The following VSTM2A variants were observed in gnomAD, a reference collection of about 807,000 sequenced individuals.
The protein encoded by VSTM2A is V-set and transmembrane domain-containing protein 2A.
In VSTM2A, 13 loss-of-function variants were observed where a neutral mutation model predicts 27.3. The ratio of observed to expected loss-of-function variants is 0.48; its 90% CI spans 0.31 to 0.76. The LOEUF is 0.76. VSTM2A is among the 30% of genes least tolerant of loss of function. The pLI, the probability that VSTM2A is intolerant of heterozygous loss-of-function variation, is 0.05. For synonymous variants in VSTM2A, 142 were observed against 125.7 expected (o/e 1.13, Z -0.87); for missense variants, 280 against 310.0 (o/e 0.90, Z 0.73).
Position 54,553,917 on chromosome 7 carries a change from G to C in VSTM2A, c.634+3747G>C, listed in dbSNP as rs930676980. 1.1e-5 allele frequency: 17 copies of C among 1,551,134 alleles called. No homozygotes were observed. The East Asian group carries it at 2.7e-4, about 25-fold the overall frequency. The stretch of plus-strand genomic sequence containing the variant: ...ACATCTCCACAGACCACCTCTACTA[G>C]TCCTTCCTTTCTTCTCTCTGTCTTC... On this transcript the variant is annotated intron_variant, in intron 4 of 4. Transcript: ENST00000402613.
rs757916739 is a variant in VSTM2A at position 54,547,020 on chromosome 7, G to A, written c.297+23G>A. The A allele has an allele frequency of 1.1e-5, 17 of 1,570,546 alleles. No homozygotes were observed. In the South Asian group the frequency reaches 1.7e-4, roughly 16 times the overall value. On this transcript the variant is annotated intron_variant, in intron 3 of 4. Coordinates refer to ENST00000402613, the MANE Select transcript of VSTM2A (RefSeq NM_001301009.2). ...AGCGTGAGTGCGGGGCGCGCCAAGG[G>A]CCGCGGGCCCAGGCTCGGGACGCAC...
chr7:54,553,816 T>A, intron 4 of VSTM2A: 1 of 1,547,900 alleles, frequency 6.5e-7, no homozygotes, highest in Middle Eastern at 1.7e-4. Context: ...TGCCCCCAAA[T>A]ACCCCAATAT....
chr7:54,550,782 T>C (rs1301212810), intron 4 of VSTM2A: 1 of 153,628 alleles, frequency 6.5e-6, no homozygotes, highest in African/African-American at 2.4e-5. Flanking sequence ...CACAGGATTC[T>C]GAAGGCAGCT....
At chr7:54,553,981 C>T in intron 4 of VSTM2A, 5 of 1,552,714 alleles carry the variant, frequency 3.2e-6, no homozygotes, top group African/African-American at 1.4e-5. Context: ...TTCCCAACGT[C>T]ACACAGAACT....
intron 4 of VSTM2A, chr7:54,554,173 T>C: frequency 6.7e-7 from 1 of 1,497,552 alleles, no homozygotes; most frequent in Non-Finnish European, 8.9e-7. Context: ...TCCTTCCCAG[T>C]CTCTAGGCAG....
chr7:54,549,390 A>T (rs1282329040), intron 3 of VSTM2A, among the ~76,000 whole-genome samples: 1 of 152,220 alleles, frequency 6.6e-6, no homozygotes, highest in Non-Finnish European at 1.5e-5. Context: ...CAAACTCATG[A>T]CCAACAAAAT....
chr7:54,546,109 GGAAAGGAA>G (rs1234034522), intron 2 of VSTM2A: 1 of 144,100 alleles, frequency 6.9e-6, no homozygotes, highest in Non-Finnish European at 1.5e-5. Context: ...GGAGAGGGAG[GGAAAGGAA>G]GAGAGGGAGA....
Position 54,564,504 on chromosome 7 carries a change from C to T in VSTM2A, c.635-4627C>T, listed in dbSNP as rs111471087. Among the ~76,000 whole-genome samples, 560 of 152,214 alleles carry T rather than the reference C, an allele frequency of 3.7e-3. 2 individuals carry two copies. Among genetic ancestry groups the T allele is most frequent in the African/African-American group, 0.012 (513 of 41,528 alleles). ...TAATCCATCAGAAAATATTCAAAGC[C>T]AAGAGAAAGTGGATATTTGGAGAAC... On this transcript the variant is annotated intron_variant, in intron 4 of 4. Transcript: ENST00000402613.
At chr7:54,547,361 A>C (rs1377898707) in intron 3 of VSTM2A, among the ~76,000 whole-genome samples, 1 of 152,244 alleles carries the variant, frequency 6.6e-6, no homozygotes, top group Non-Finnish European at 1.5e-5. Flanking sequence ...ACATAGGAAA[A>C]TATTTTTAGG....
At chr7:54,563,188 A>G (rs968728619) in intron 4 of VSTM2A, among the ~76,000 whole-genome samples, 3 of 152,172 alleles carry the variant, frequency 2.0e-5, no homozygotes, top group African/African-American at 7.2e-5. Context: ...AAGTTTTCAG[A>G]TATGAGGAAT....
intron 4 of VSTM2A, among the ~76,000 whole-genome samples, chr7:54,564,620 C>G (rs924939458): frequency 5.9e-5 from 9 of 152,202 alleles, no homozygotes; most frequent in African/African-American, 2.2e-4. Context: ...GGGATCTTTC[C>G]TAGAGCCCAG....
At chr7:54,555,847 A>G (rs1788337690) in intron 4 of VSTM2A, among the ~76,000 whole-genome samples, 1 of 152,128 alleles carries the variant, frequency 6.6e-6, no homozygotes, top group Non-Finnish European at 1.5e-5. Context: ...AAGACTCCCA[A>G]ACAGTGTTTC....
rs1788851858 is a variant in VSTM2A, at chr7:54,570,293, T to G, written c.*1074T>G. 6.6e-6 allele frequency: 1 copy of G among 152,194 alleles called. No individual in the cohort carries two copies. The highest frequency in any genetic ancestry group is 2.1e-4 in the South Asian group (1 of 4,824). The allele number at this position is 152,194 out of a possible 1,614,324, so 9.4% of individuals were successfully genotyped here. ...ATTATAATCTTGTCAAATAGAAATGTTGCTTCTAGAAAATTTGCCTAGGAG... is the reference window on the plus strand; with the variant it reads ...ATTATAATCTTGTCAAATAGAAATGGTGCTTCTAGAAAATTTGCCTAGGAG... On this transcript the variant is annotated 3_prime_UTR_variant, in exon 5 of 5. Coordinates refer to ENST00000402613, the MANE Select transcript of VSTM2A (RefSeq NM_001301009.2).
chr7:54,554,147 A>G, intron 4 of VSTM2A: 1 of 1,523,438 alleles, frequency 6.6e-7, no homozygotes, highest in Non-Finnish European at 8.8e-7. Flanking sequence ...CCAATTCCCC[A>G]CCCTCTCACA....
rs1788833454 is a variant in VSTM2A, at chr7:54,569,689, C to T, written c.*470C>T. The T allele has an allele frequency of 2.5e-5, 4 of 157,780 alleles. No individual in the cohort carries two copies. The South Asian group carries it at 5.6e-4, about 22-fold the overall frequency. The allele number at this position is 157,780 out of a possible 1,614,324, so 9.8% of individuals were successfully genotyped here. A position where few individuals can be genotyped will look rare whatever the true frequency, so the allele number is the denominator to read the frequency against. On this transcript the variant is annotated 3_prime_UTR_variant, in exon 5 of 5. Coordinates refer to ENST00000402613, the MANE Select transcript of VSTM2A (RefSeq NM_001301009.2). ...GGATTTTTCTTCTTTTTCTTGATTA[C>T]AGTTCTTGTTCAATGGTGGCAAGTG...
intron 4 of VSTM2A, among the ~76,000 whole-genome samples, chr7:54,566,485 C>T (rs760876340): frequency 6.6e-6 from 1 of 152,102 alleles, no homozygotes; most frequent in Non-Finnish European, 1.5e-5. Flanking sequence ...TGCTGAAGTT[C>T]AGAGGAGAGA....
At chr7:54,561,019 C>A (rs996643798) in intron 4 of VSTM2A, among the ~76,000 whole-genome samples, 1 of 152,170 alleles carries the variant, frequency 6.6e-6, no homozygotes, top group Admixed American at 6.5e-5. Flanking sequence ...TCTGATTAAA[C>A]AAATCCATAT....
Position 54,549,455 on chromosome 7 carries a change from A to G in VSTM2A, c.298-379A>G, listed in dbSNP as rs1022272610. ...TTAGTTTATAGCCCACAGGGAAGAAAAGAGGTTGTTTCACCTATAGAGTTG... is the reference window on the plus strand; with the variant it reads ...TTAGTTTATAGCCCACAGGGAAGAAGAGAGGTTGTTTCACCTATAGAGTTG... On this transcript the variant is annotated intron_variant, in intron 3 of 4. Coordinates refer to ENST00000402613, the MANE Select transcript of VSTM2A (RefSeq NM_001301009.2). Among the ~76,000 whole-genome samples the G allele has an allele frequency of 7.9e-5, 12 of 152,338 alleles. No individual in the cohort carries two copies. The East Asian group carries it at 2.3e-3, about 29-fold the overall frequency.
At chr7:54,544,912 C>G in intron 2 of VSTM2A, 124 bp downstream of exon 2, 1 of 1,192,420 alleles carries the variant, frequency 8.4e-7, no homozygotes, top group Non-Finnish European at 1.1e-6. Context: ...TCTGTGGAAG[C>G]GAGTGACCCC....
Sources: gnomAD v4.1 joint callset for allele counts (sites outside exome capture counted in the v4.1 genomes callset) on GRCh38, gnomAD v4.1.1 for gene constraint, MANE v1.5 for transcripts, NCBI Gene and HGNC (gene_info 2026-07-23, HGNC 2026-07-21) for gene names.